Variants in ZFHX3 observed in about 807,000 individuals in gnomAD.
The protein encoded by ZFHX3 is zinc finger homeobox protein 3.
A neutral mutation model predicts 279.1 loss-of-function variants in ZFHX3; 42 were observed. The ratio of observed to expected loss-of-function variants is 0.15; its 90% CI spans 0.12 to 0.19. The LOEUF is 0.19. Ranked by LOEUF, ZFHX3 falls within the 10% of genes least tolerant of loss-of-function variation. The probability of loss-of-function intolerance (pLI) is 1.00; values close to 1 mark genes in which losing one functional copy is unlikely to be tolerated. For synonymous variants in ZFHX3, 2,293 were observed against 1,957.8 expected, an observed-to-expected ratio of 1.17 and a Z score of -4.52; for missense variants, 4,981 against 4,754.0, an observed-to-expected ratio of 1.05 and a Z score of -1.40.
chr16:72,901,441 C>G (rs1429310769), intron 3 of ZFHX3, among the ~76,000 whole-genome samples: 1 of 152,112 alleles, frequency 6.6e-6, no homozygotes, highest in East Asian at 1.9e-4. Flanking sequence ...ACAGGGCAGC[C>G]GGCGCAACAC....
chr16:73,441,665 A>T (rs532789046), intron 3 of ZFHX3, among the ~76,000 whole-genome samples: 195 of 152,310 alleles, frequency 1.3e-3, no homozygotes, highest in African/African-American at 4.4e-3. Flanking sequence ...CCTATAAAGC[A>T]GCCATCGCCA....
intron 1 of ZFHX3, among the ~76,000 whole-genome samples, chr16:73,766,549 A>G (rs977164759): frequency 2.0e-5 from 3 of 152,230 alleles, no homozygotes; most frequent in Non-Finnish European, 2.9e-5. Flanking sequence ...GCAAGTATCA[A>G]TGGGAATAAA....
chr16:73,890,260 A>AC (rs2030490189), intron 1 of ZFHX3, among the ~76,000 whole-genome samples: 1 of 151,532 alleles, frequency 6.6e-6, no homozygotes, highest in Non-Finnish European at 1.5e-5. Flanking sequence ...AAAAACAACA[A>AC]AAAAAAACCT....
intron 3 of ZFHX3, among the ~76,000 whole-genome samples, chr16:73,435,131 C>T (rs2017974169): frequency 6.6e-6 from 1 of 152,126 alleles, no homozygotes; most frequent in Non-Finnish European, 1.5e-5. Context: ...AGAGATTTCC[C>T]AGGTCACACC....
intron 1 of ZFHX3, among the ~76,000 whole-genome samples, chr16:72,970,629 C>G (rs1468892066): frequency 6.6e-6 from 1 of 152,214 alleles, no homozygotes; most frequent in Non-Finnish European, 1.5e-5. Flanking sequence ...CTCACAACCC[C>G]AACCTTCACC....
At chr16:73,648,428 A>T (rs1326252035) in intron 2 of ZFHX3, among the ~76,000 whole-genome samples, 1 of 152,116 alleles carries the variant, frequency 6.6e-6, no homozygotes, top group Admixed American at 6.6e-5. Flanking sequence ...CACTCTTGTC[A>T]CCCAGGCTGG....
intron 1 of ZFHX3, among the ~76,000 whole-genome samples, chr16:73,800,958 C>G (rs1960129286): frequency 6.6e-6 from 1 of 152,168 alleles, no homozygotes; most frequent in Admixed American, 6.5e-5. Flanking sequence ...CTTGCCTGCC[C>G]TGGTAGTTAT....
At chr16:73,657,432 TG>T (rs2052734264) in intron 2 of ZFHX3, among the ~76,000 whole-genome samples, 2 of 152,348 alleles carry the variant, frequency 1.3e-5, no homozygotes, top group South Asian at 4.1e-4. Flanking sequence ...CACTCCAGCC[TG>T]GGTGACAGAG....
intron 2 of ZFHX3, among the ~76,000 whole-genome samples, chr16:73,510,683 T>C (rs1018741725): frequency 1.3e-5 from 2 of 152,224 alleles, no homozygotes; most frequent in Admixed American, 6.5e-5. Context: ...TATTGTGCAG[T>C]ATCCAACCTG....
intron 1 of ZFHX3, among the ~76,000 whole-genome samples, chr16:73,013,137 G>C (rs1317756274): frequency 6.6e-6 from 1 of 152,136 alleles, no homozygotes; most frequent in African/African-American, 2.4e-5. Context: ...GCAGAGAGGA[G>C]GCCACCATCC....
At chr16:73,595,465 C>A (rs1306135274) in intron 2 of ZFHX3, among the ~76,000 whole-genome samples, 1 of 151,974 alleles carries the variant, frequency 6.6e-6, no homozygotes, top group African/African-American at 2.4e-5. Context: ...TCCTTTTTTT[C>A]TCGTTTTTAC....
chr16:73,847,269 C>A (rs916241672), intron 1 of ZFHX3, among the ~76,000 whole-genome samples: 1 of 152,164 alleles, frequency 6.6e-6, no homozygotes, highest in Non-Finnish European at 1.5e-5. Context: ...CCATTGCACT[C>A]CAGCCTGGGC....
At chr16:73,220,045 C>T (rs2012357961) in intron 5 of ZFHX3, among the ~76,000 whole-genome samples, 1 of 151,750 alleles carries the variant, frequency 6.6e-6, no homozygotes, top group South Asian at 2.1e-4. Context: ...GAGGTTGTGC[C>T]ATTGTACTCC....
intron 5 of ZFHX3, among the ~76,000 whole-genome samples, chr16:72,823,478 C>A (rs2036851560): frequency 6.6e-6 from 1 of 152,186 alleles, no homozygotes; most frequent in African/African-American, 2.4e-5. Context: ...ATCACACTGC[C>A]TCTGACAACA....
intron 1 of ZFHX3, among the ~76,000 whole-genome samples, chr16:72,986,843 A>G (rs568047281): frequency 6.6e-6 from 1 of 152,172 alleles, no homozygotes; most frequent in African/African-American, 2.4e-5. Context: ...CAGAGTGTGA[A>G]ATGGAAAAAA....
chr16:73,303,827 T>C (rs2015114495), intron 4 of ZFHX3, among the ~76,000 whole-genome samples: 1 of 151,950 alleles, frequency 6.6e-6, no homozygotes, highest in Admixed American at 6.6e-5. Flanking sequence ...GCCACCGATT[T>C]GGACTACAAA....
chr16:72,866,520 C>T (rs1004471912), intron 4 of ZFHX3, among the ~76,000 whole-genome samples: 2 of 152,186 alleles, frequency 1.3e-5, no homozygotes, highest in African/African-American at 4.8e-5. Context: ...AAGAAATCCT[C>T]AGGTTATATA....
At chr16:73,796,445 C>T (rs1243339074) in intron 1 of ZFHX3, 1 of 152,204 alleles carries the variant, frequency 6.6e-6, no homozygotes, top group Non-Finnish European at 1.5e-5. Context: ...TGGAAAATTA[C>T]AGTTTTCCAA....
intron 3 of ZFHX3, among the ~76,000 whole-genome samples, chr16:73,386,605 G>T (rs2016907246): frequency 6.6e-6 from 1 of 152,136 alleles, no homozygotes; most frequent in Non-Finnish European, 1.5e-5. Context: ...ATTAGGAACT[G>T]TAAAGTCAGA....
Sources: gnomAD v4.1 joint callset for allele counts (sites outside exome capture counted in the v4.1 genomes callset) on GRCh38, gnomAD v4.1.1 for gene constraint, MANE v1.5 for transcripts, NCBI Gene and HGNC (gene_info 2026-07-23, HGNC 2026-07-21) for gene names.